ZNF438: variants seen among roughly 807,000 people sequenced by gnomAD.
ZNF438 encodes the protein zinc finger protein 438.
A neutral mutation model predicts 38.0 loss-of-function variants in ZNF438; 25 were observed. The observed-to-expected ratio is 0.66, with a 90% CI of 0.48 to 0.92. The LOEUF is 0.92. Ranked by LOEUF, ZNF438 falls within the 40% of genes least tolerant of loss-of-function variation. ZNF438 has a pLI of 0.00. For synonymous variants in ZNF438, 372 were observed against 364.1 expected (o/e 1.02, Z -0.25); for missense variants, 1,007 against 999.6 (o/e 1.01, Z -0.10).
At chr10:30,849,050 G>A (rs1332747113) in exon 5 of ZNF438, 7 of 1,614,074 alleles carry the variant, frequency 4.3e-6, no homozygotes, top group Admixed American at 1.7e-5. Flanking sequence ...TGTAGTTGGA[G>A]AAGCCAGGGA....
intron 1 of ZNF438, among the ~76,000 whole-genome samples, chr10:30,973,838 C>T (rs2051021249): frequency 6.6e-6 from 1 of 152,188 alleles, no homozygotes; most frequent in Non-Finnish European, 1.5e-5. Flanking sequence ...GCACTCGTTC[C>T]CAGCTCTTTC....
intron 2 of ZNF438, among the ~76,000 whole-genome samples, chr10:30,909,627 G>A (rs1424735917): frequency 6.6e-6 from 1 of 152,018 alleles, no homozygotes; most frequent in Non-Finnish European, 1.5e-5. Context: ...AGTAATAAAA[G>A]CATTTTACTT....
chr10:30,872,606 CG>C (rs1414546792), intron 4 of ZNF438, among the ~76,000 whole-genome samples: 3 of 150,616 alleles, frequency 2.0e-5, no homozygotes, highest in Non-Finnish European at 3.0e-5. Flanking sequence ...AAAAATTAGC[CG>C]GGGGTGGGGG....
intron 3 of ZNF438, among the ~76,000 whole-genome samples, chr10:30,891,175 A>G (rs1004990677): frequency 6.6e-6 from 1 of 151,890 alleles, no homozygotes; most frequent in African/African-American, 2.4e-5. Context: ...TTCCTGGGAT[A>G]TTTTCTTCAA....
intron 4 of ZNF438, among the ~76,000 whole-genome samples, chr10:30,856,818 T>C (rs1025090331): frequency 5.3e-5 from 8 of 152,336 alleles, no homozygotes; most frequent in Admixed American, 2.0e-4. Context: ...TATTAGGATC[T>C]TAAATATGGG....
chr10:30,979,422 C>A (rs2051834525), intron 1 of ZNF438, among the ~76,000 whole-genome samples: 1 of 152,176 alleles, frequency 6.6e-6, no homozygotes, highest in South Asian at 2.1e-4. Context: ...CTTTAAACTG[C>A]ATATGGAACC....
intron 2 of ZNF438, among the ~76,000 whole-genome samples, chr10:30,909,225 C>T (rs1249762851): frequency 3.3e-5 from 5 of 152,070 alleles, no homozygotes; most frequent in African/African-American, 9.7e-5. Context: ...TAAATATATA[C>T]ATGAATATGA....
intron 1 of ZNF438, among the ~76,000 whole-genome samples, chr10:30,981,145 G>A (rs1199749511): frequency 6.6e-6 from 1 of 152,194 alleles, no homozygotes; most frequent in Non-Finnish European, 1.5e-5. Flanking sequence ...CTTGGCATAT[G>A]ATCAACGAAG....
intron 4 of ZNF438, among the ~76,000 whole-genome samples, chr10:30,876,785 C>T (rs1231888793): frequency 1.3e-5 from 2 of 152,132 alleles, no homozygotes; most frequent in Admixed American, 1.3e-4. Flanking sequence ...TCTCAAGGCG[C>T]TATAGCCTAT....
exon 6 of ZNF438, chr10:30,844,856 A>G (rs997342230): frequency 8.0e-6 from 11 of 1,374,980 alleles, no homozygotes; most frequent in African/African-American, 1.5e-5. Context: ...CACTCACACC[A>G]ATCCTGTTGT....
intron 4 of ZNF438, among the ~76,000 whole-genome samples, chr10:30,867,187 A>T (rs1227900253): frequency 6.6e-6 from 1 of 152,186 alleles, no homozygotes; most frequent in Non-Finnish European, 1.5e-5. Context: ...GCTGGCTTTT[A>T]AAAAAATATG....
chr10:30,914,118 A>G (rs1244840600), intron 2 of ZNF438, among the ~76,000 whole-genome samples: 1 of 152,192 alleles, frequency 6.6e-6, no homozygotes, highest in African/African-American at 2.4e-5. Flanking sequence ...TGAACAAGTT[A>G]TTAATAAACA....
At chr10:31,026,094 T>C (rs905756069) in intron 1 of ZNF438, among the ~76,000 whole-genome samples, 1 of 152,144 alleles carries the variant, frequency 6.6e-6, no homozygotes, top group Non-Finnish European at 1.5e-5. Context: ...TAATTCAAGA[T>C]GGATTAAAGA....
intron 1 of ZNF438, among the ~76,000 whole-genome samples, chr10:31,016,693 C>T (rs191371075): frequency 0.01 from 1,528 of 152,272 alleles, 21 homozygotes; most frequent in African/African-American, 0.034. Flanking sequence ...ACTAACAAGC[C>T]TCTTTTTTAA....
At chr10:30,948,577 C>T (rs1589361893) in intron 1 of ZNF438, among the ~76,000 whole-genome samples, 1 of 149,246 alleles carries the variant, frequency 6.7e-6, no homozygotes, top group African/African-American at 2.5e-5. Flanking sequence ...AGCTGAAAAC[C>T]AAGGCTCGAG....
intron 1 of ZNF438, among the ~76,000 whole-genome samples, chr10:31,022,973 G>A (rs1009706338): frequency 3.3e-5 from 5 of 152,084 alleles, no homozygotes; most frequent in Non-Finnish European, 5.9e-5. Flanking sequence ...TTCCTGCTCT[G>A]ATTAATAAAG....
At chr10:30,945,211 T>C (rs1006299615) in intron 1 of ZNF438, among the ~76,000 whole-genome samples, 2 of 152,154 alleles carry the variant, frequency 1.3e-5, no homozygotes, top group Admixed American at 6.5e-5. Context: ...GTATCAGGCT[T>C]ACAGACATTT....
At chr10:30,918,411 T>C (rs2043899345) in intron 2 of ZNF438, among the ~76,000 whole-genome samples, 1 of 152,184 alleles carries the variant, frequency 6.6e-6, no homozygotes, top group Admixed American at 6.5e-5. Flanking sequence ...CTCTCTTCAT[T>C]TATTTCTATC....
intron 1 of ZNF438, among the ~76,000 whole-genome samples, chr10:30,948,339 G>A (rs1180470774): frequency 1.3e-5 from 2 of 152,184 alleles, no homozygotes; most frequent in Non-Finnish European, 2.9e-5. Flanking sequence ...AAAAAGCAGA[G>A]CACCTCTCCT....
Sources: gnomAD v4.1 joint callset for allele counts (sites outside exome capture counted in the v4.1 genomes callset) on GRCh38, gnomAD v4.1.1 for gene constraint, MANE v1.5 for transcripts, NCBI Gene and HGNC (gene_info 2026-07-23, HGNC 2026-07-21) for gene names.